Variants in TMEM233 observed in about 807,000 individuals in gnomAD.
TMEM233 encodes the protein transmembrane protein 233.
TMEM233 carries 6 observed loss-of-function variants against 11.2 expected under a neutral mutation model. The ratio of observed to expected loss-of-function variants is 0.54; its 90% CI spans 0.29 to 1.06. The LOEUF (loss-of-function observed/expected upper bound fraction) is 1.06. TMEM233 is among the 50% of genes least tolerant of loss of function. The probability of loss-of-function intolerance (pLI) is 0.08; values close to 1 mark genes in which losing one functional copy is unlikely to be tolerated. For missense variants in TMEM233, 127 were observed against 144.7 expected, an observed-to-expected ratio of 0.88 and a Z score of 0.63; for synonymous variants, 59 against 55.8, an observed-to-expected ratio of 1.06 and a Z score of -0.26.
chr12:119,631,485 C>T (rs55842819), intron 2 of TMEM233: 12,640 of 985,002 alleles, frequency 0.013, 122 homozygotes, highest in Non-Finnish European at 0.014. Context: ...TGGCTTTGGC[C>T]AAATAAAAGA....
chr12:119,619,750 C>T (rs1191302936), intron 1 of TMEM233, among the ~76,000 whole-genome samples: 3 of 151,732 alleles, frequency 2.0e-5, no homozygotes, highest in Non-Finnish European at 4.4e-5. Flanking sequence ...TTGAAGACAG[C>T]TTTGAATAAT....
At chr12:119,608,859 C>A (rs762517236) in intron 1 of TMEM233, among the ~76,000 whole-genome samples, 3 of 152,154 alleles carry the variant, frequency 2.0e-5, no homozygotes, top group Non-Finnish European at 4.4e-5. Context: ...CTGCTATATG[C>A]CAAGCACTAT....
At chr12:119,607,561 A>G (rs761298833) in intron 1 of TMEM233, among the ~76,000 whole-genome samples, 17 of 152,128 alleles carry the variant, frequency 1.1e-4, no homozygotes, top group Non-Finnish European at 2.5e-4. Flanking sequence ...CTAAAGATAA[A>G]AAGGAATTCA....
intron 1 of TMEM233, among the ~76,000 whole-genome samples, chr12:119,605,718 A>C (rs7306273): frequency 0.78 from 117,931 of 151,970 alleles, 45,901 homozygotes; most frequent in Middle Eastern, 0.85. Flanking sequence ...CGTGAGCCAC[A>C]ACATCTGGCC....
intron 2 of TMEM233, among the ~76,000 whole-genome samples, chr12:119,633,209 C>A (rs2136784761): frequency 6.6e-6 from 1 of 152,188 alleles, no homozygotes; most frequent in Non-Finnish European, 1.5e-5. Context: ...CCTCAATTTC[C>A]CTAACTATAA....
chr12:119,644,333 C>T (rs1446349147), downstream of TMEM233, among the ~76,000 whole-genome samples: 1 of 152,070 alleles, frequency 6.6e-6, no homozygotes, highest in Non-Finnish European at 1.5e-5. Context: ...CCAAAGTACT[C>T]TTACCAGAAG....
downstream of TMEM233, among the ~76,000 whole-genome samples, chr12:119,647,683 G>A (rs1229491017): frequency 6.6e-6 from 1 of 152,052 alleles, no homozygotes. Flanking sequence ...GTATATGTGT[G>A]CCATGGTGGT....
At chr12:119,635,004 T>C (rs1175178163) in intron 2 of TMEM233, among the ~76,000 whole-genome samples, 1 of 152,220 alleles carries the variant, frequency 6.6e-6, no homozygotes, top group Admixed American at 6.5e-5. Flanking sequence ...ATTGTTCTTG[T>C]CCAGACAGAA....
At chr12:119,645,213 A>ACAGCAGGACAGCTGCATT (rs1373270526), downstream of TMEM233, among the ~76,000 whole-genome samples, 3 of 151,832 alleles carry the variant, frequency 2.0e-5, no homozygotes, top group Non-Finnish European at 4.4e-5. Context: ...CCTTTGGCCT[A>ACAGCAGGACAGCTGCATT]CAGCAGGACA....
At chr12:119,638,754 G>A (rs923218323) in intron 2 of TMEM233, among the ~76,000 whole-genome samples, 1 of 152,050 alleles carries the variant, frequency 6.6e-6, no homozygotes, top group South Asian at 2.1e-4. Context: ...CATGAAGACA[G>A]GGCCAGGTGC....
chr12:119,611,781 A>G (rs763186956), intron 1 of TMEM233, among the ~76,000 whole-genome samples: 12 of 152,104 alleles, frequency 7.9e-5, no homozygotes, highest in Non-Finnish European at 1.2e-4. Flanking sequence ...TTCAAAGGCA[A>G]ACATCATGTT....
chr12:119,609,356 A>C (rs1189318135), intron 1 of TMEM233, among the ~76,000 whole-genome samples: 4 of 152,252 alleles, frequency 2.6e-5, no homozygotes. Flanking sequence ...GAAAATTTGC[A>C]GCCCAGCAAT....
chr12:119,636,156 C>T (rs1266553913), intron 2 of TMEM233, among the ~76,000 whole-genome samples: 2 of 152,064 alleles, frequency 1.3e-5, no homozygotes, highest in African/African-American at 4.8e-5. Context: ...CCCTGGCAAC[C>T]CACTCCCAAC....
At chr12:119,622,240 A>G (rs1191372876) in intron 1 of TMEM233, among the ~76,000 whole-genome samples, 1 of 152,206 alleles carries the variant, frequency 6.6e-6, no homozygotes, top group Admixed American at 6.5e-5. Flanking sequence ...CGGGGAAAAA[A>G]TCTAGAATCA....
At chr12:119,610,190 G>T (rs1039135264) in intron 1 of TMEM233, among the ~76,000 whole-genome samples, 7 of 152,154 alleles carry the variant, frequency 4.6e-5, no homozygotes, top group Non-Finnish European at 8.8e-5. Flanking sequence ...TTTTGGACTT[G>T]CATCCTTTGT....
rs56347532 is a variant in TMEM233 at position 119,640,856 on chromosome 12, G to GAAAAAAAAAAAAAAAAAAAAAA, written c.*168_*169insAAAAAAAAAAAAAAAAAAAAAA. On this transcript the variant is annotated 3_prime_UTR_variant, in exon 3 of 3. Coordinates refer to ENST00000426426, the MANE Select transcript of TMEM233 (RefSeq NM_001136534.3). ...AGGCAGGTCCCTGGCAAATGAACAA[G>GAAAAAAAAAAAAAAAAAAAAAA]AAAAAAAAAAAAAAAAAGTCCAAAA... 1 of 361,112 alleles carries GAAAAAAAAAAAAAAAAAAAAAA rather than the reference G, an allele frequency of 2.8e-6. No individual in the cohort carries two copies. The allele number at this position is 361,112 out of a possible 1,614,324, so 22.4% of individuals were successfully genotyped here. A position where few individuals can be genotyped will look rare whatever the true frequency, so the allele number is the denominator to read the frequency against.
At chr12:119,596,983 A>G (rs1394985309) in intron 1 of TMEM233, among the ~76,000 whole-genome samples, 2 of 152,238 alleles carry the variant, frequency 1.3e-5, no homozygotes, top group Non-Finnish European at 2.9e-5. Context: ...ATCATGTTAC[A>G]TATAAAAACA....
At chr12:119,621,771 A>G (rs1016033831) in intron 1 of TMEM233, among the ~76,000 whole-genome samples, 1 of 152,246 alleles carries the variant, frequency 6.6e-6, no homozygotes, top group Admixed American at 6.5e-5. Context: ...TTTGTCAAAG[A>G]AAGACTTAAG....
intron 1 of TMEM233, among the ~76,000 whole-genome samples, chr12:119,611,549 T>C (rs1412356146): frequency 6.6e-6 from 1 of 152,002 alleles, no homozygotes; most frequent in Non-Finnish European, 1.5e-5. Context: ...TTAAGATATA[T>C]ATATATATAT....
Sources: gnomAD v4.1 joint callset for allele counts (sites outside exome capture counted in the v4.1 genomes callset) on GRCh38, gnomAD v4.1.1 for gene constraint, MANE v1.5 for transcripts, NCBI Gene and HGNC (gene_info 2026-07-23, HGNC 2026-07-21) for gene names.